Variants in RNPEPL1 observed in about 807,000 individuals in gnomAD.
RNPEPL1 encodes the protein aminopeptidase RNPEPL1.
A neutral mutation model predicts 69.0 loss-of-function variants in RNPEPL1; 46 were observed. The observed-to-expected ratio is 0.67, with a 90% CI of 0.53 to 0.85. The LOEUF is 0.85. RNPEPL1 is among the 40% of genes least tolerant of loss of function. RNPEPL1 has a pLI of 0.00. For synonymous variants in RNPEPL1, 525 were observed against 454.1 expected (o/e 1.16, Z -1.98); for missense variants, 869 against 992.5 (o/e 0.88, Z 1.67).
chr2:240,573,418 G>C (rs991021594), intron 3 of RNPEPL1, among the ~76,000 whole-genome samples, 157 bp downstream of exon 3: 6 of 152,074 alleles, frequency 3.9e-5, no homozygotes, highest in African/African-American at 7.2e-5. Context: ...GCCACCGCCA[G>C]GGCCCTGCCA....
rs772575333 is a variant in RNPEPL1 at position 240,574,348 on chromosome 2, G to C, written c.1174G>C (p.Gly392Arg). The C allele has an allele frequency of 6.3e-7, 1 of 1,597,214 alleles. No individual in the cohort carries two copies. The highest frequency in any genetic ancestry group is 1.1e-5 in the South Asian group (1 of 90,796). Residue 392 changes from glycine to arginine, a missense_variant and splice_region_variant, in exon 5 of 11, where the codon GGT (glycine) becomes CGT (arginine). This residue lies in a region of RNPEPL1 where 610 missense variants were observed against 790.9 expected (regional missense o/e 0.77). Coordinates refer to ENST00000270357, the MANE Select transcript of RNPEPL1 (RefSeq NM_018226.6). ...GCGCCGTATCACCACCGAGACCTAC[G>C]GTGCGGCCAGGGCCGGGGAGGGCAG... The part of the protein sequence containing the change: ...AQRRITTETY[G>R]AAFTCLETAF...
In RNPEPL1 at chr2:240,568,835, G is replaced by A. The variant is rs1323309590; in HGVS notation, c.249G>A (p.Leu83=). The A allele has an allele frequency of 7.7e-6, 9 of 1,167,458 alleles. No homozygotes were observed. Among genetic ancestry groups the A allele is most frequent in the Non-Finnish European group, 8.5e-6 (8 of 942,752 alleles). 72.3% of individuals were successfully genotyped at this position (1,167,458 alleles called of 1,614,324 possible). A position where few individuals can be genotyped will look rare whatever the true frequency, so the allele number is the denominator to read the frequency against. The change falls in exon 1 of 11, where the codon CTG becomes CTA. Residue 83 remains leucine (L), a synonymous_variant. Transcript: ENST00000270357. The surrounding 1 kb of genome is among the most constrained non-coding windows in gnomAD (Gnocchi z 6.2). ...TCGTGCTCGACGCGCACCCGGCTCT[G>A]CGCCTGCACTCAGCCGCCTTCCGTC... ...RALVLDAHPA[L]RLHSAAFRRA... is the part of the protein sequence containing the mutation.
chr2:240,573,377 T>A lies in RNPEPL1; in HGVS notation c.821+116T>A, dbSNP rs1182262393. 11 of 1,260,702 alleles carry A rather than the reference T, an allele frequency of 8.7e-6. No homozygotes were observed. In the Admixed American group the frequency reaches 3.1e-4, roughly 35 times the overall value. The allele number at this position is 1,260,702 out of a possible 1,614,324, so 78.1% of individuals were successfully genotyped here. A position where few individuals can be genotyped will look rare whatever the true frequency, so the allele number is the denominator to read the frequency against. The stretch of plus-strand genomic sequence containing the variant: ...CTGAGGACCCCCACTGGCCTCTGGG[T>A]GCTCTGGGCCAGCCCTGCCCCTGCC... On this transcript the variant is annotated intron_variant, in intron 3 of 10. Transcript: ENST00000270357.
rs185285107 is a variant in RNPEPL1 at position 240,569,985 on chromosome 2, T to C, written c.528+871T>C. Among the ~76,000 whole-genome samples, 112 of 152,338 alleles carry C rather than the reference T, an allele frequency of 7.4e-4. 1 individual carries two copies. The highest frequency in any genetic ancestry group is 2.4e-3 in the African/African-American group (101 of 41,576). ...GACCAGTGCACCCCTATGGGCTTCC[T>C]GTACATTTCCCAGGAGCCCTAAGCA... On this transcript the variant is annotated intron_variant, in intron 1 of 10. Coordinates refer to ENST00000270357, the MANE Select transcript of RNPEPL1 (RefSeq NM_018226.6).
chr2:240,575,730 T>C, intron 8 of RNPEPL1, 120 bp downstream of exon 8: 1 of 756,268 alleles, frequency 1.3e-6, no homozygotes, highest in Non-Finnish European at 2.3e-6. Context: ...TGTCTGTCCT[T>C]CAGCCAACCC....
chr2:240,573,717 G>C (rs1336005353), intron 3 of RNPEPL1, 58 bp from the exon 4 acceptor site: 11 of 1,396,292 alleles, frequency 7.9e-6, no homozygotes, highest in African/African-American at 7.2e-5. Flanking sequence ...GGAGAGCCTG[G>C]TGGGGTGAGC....
Position 240,578,292 on chromosome 2 carries a change from C to A in RNPEPL1, c.*400C>A. On this transcript the variant is annotated 3_prime_UTR_variant, in exon 11 of 11. Coordinates refer to ENST00000270357, the MANE Select transcript of RNPEPL1 (RefSeq NM_018226.6). The stretch of plus-strand genomic sequence containing the variant: ...GGGGGCCCAGGCTGTGCTGTCCCTG[C>A]AGCACGCCTCCTTGCAGGGATCTGA... The A allele has an allele frequency of 6.0e-6, 1 of 168,050 alleles. No individual in the cohort carries two copies. The highest frequency in any genetic ancestry group is 1.3e-5 in the Non-Finnish European group (1 of 78,756). 10.4% of individuals were successfully genotyped at this position (168,050 alleles called of 1,614,324 possible). A position where few individuals can be genotyped will look rare whatever the true frequency, so the allele number is the denominator to read the frequency against.
At chr2:240,574,378 G>T (rs749617243) in intron 5 of RNPEPL1, 30 bp downstream of exon 5, 11 of 1,577,600 alleles carry the variant, frequency 7.0e-6, no homozygotes, top group African/African-American at 5.4e-5. Context: ...GGGCAGCCAC[G>T]GGGGGCCCTG....
Position 240,574,656 on chromosome 2 carries a change from C to G in RNPEPL1, c.1288+28C>G, listed in dbSNP as rs780300889. ...ACCTGCTCCTCAGGACCCGCTCCCA[C>G]AACTGGGGATGTCACCCCTCAAGGC... On this transcript the variant is annotated intron_variant, in intron 6 of 10. Transcript: ENST00000270357. 13 of 1,567,518 alleles carry G rather than the reference C, an allele frequency of 8.3e-6. No individual in the cohort carries two copies. In the South Asian group the frequency reaches 1.5e-4, roughly 18 times the overall value.
intron 3 of RNPEPL1, 136 bp from the exon 4 acceptor site, chr2:240,573,639 G>T (rs1025745863): frequency 1.4e-6 from 1 of 727,548 alleles, no homozygotes; most frequent in Non-Finnish European, 2.2e-6. Flanking sequence ...GAGGCAGGGC[G>T]GGCTGTAGGC....
At chr2:240,570,130 A>G (rs995742545) in intron 1 of RNPEPL1, among the ~76,000 whole-genome samples, 1 of 152,340 alleles carries the variant, frequency 6.6e-6, no homozygotes, top group East Asian at 1.9e-4. Context: ...GCCTCCCAGT[A>G]TGACAGGTGA....
At chr2:240,577,011 G>C in intron 10 of RNPEPL1, 21 bp downstream of exon 10, 1 of 1,612,204 alleles carries the variant, frequency 6.2e-7, no homozygotes, top group African/African-American at 1.3e-5. Flanking sequence ...CTGCCCAGGG[G>C]GCCAGCCTGG....
chr2:240,572,313 G>A (rs1396478226), intron 1 of RNPEPL1, 110 bp from the exon 2 acceptor site: 2 of 1,272,526 alleles, frequency 1.6e-6, no homozygotes, highest in Non-Finnish European at 2.1e-6. Context: ...AGATAATCTG[G>A]CCATTGTCCC....
chr2:240,576,045 TG>T, intron 8 of RNPEPL1: 1 of 255,886 alleles, frequency 3.9e-6, no homozygotes, highest in Non-Finnish European at 7.7e-6. Context: ...CCAGAATTGC[TG>T]GAGGGTGGTG....
rs759412567 is a variant in RNPEPL1, at chr2:240,574,300, G to A, written c.1126G>A (p.Glu376Lys). 23 of 1,606,992 alleles carry A rather than the reference G, an allele frequency of 1.4e-5. No individual in the cohort carries two copies. Among genetic ancestry groups the A allele is most frequent in the Admixed American group, 5.0e-5 (3 of 59,980 alleles). ...NATWEEMWLS[E>K]GLATYAQRRI... is the part of the protein sequence containing the mutation. ...CACGTGGGAAGAGATGTGGCTGAGC[G>A]AGGGCCTGGCCACCTATGCCCAGCG... The change falls in exon 5 of 11, where the codon GAG (glutamate) becomes AAG (lysine). Residue 376 changes from glutamate (E) to lysine (K), a missense_variant. Around this residue, in one of 2 missense-constraint regions of RNPEPL1, gnomAD observed 610 missense variants for 790.9 expected, o/e 0.77. Coordinates refer to ENST00000270357, the MANE Select transcript of RNPEPL1 (RefSeq NM_018226.6).
At chr2:240,573,309 G>C in intron 3 of RNPEPL1, 48 bp downstream of exon 3, 1 of 1,518,712 alleles carries the variant, frequency 6.6e-7, no homozygotes, top group Admixed American at 2.1e-5. Flanking sequence ...GCCTCGGGGA[G>C]AGCCCCACCG....
In RNPEPL1 at chr2:240,578,050, G is replaced by A; in HGVS notation, c.*158G>A. The A allele has an allele frequency of 1.5e-6, 1 of 668,712 alleles. No individual in the cohort carries two copies. The highest frequency in any genetic ancestry group is 3.6e-5 in the South Asian group (1 of 27,488). The allele number at this position is 668,712 out of a possible 1,614,324, so 41.4% of individuals were successfully genotyped here. On this transcript the variant is annotated 3_prime_UTR_variant, in exon 11 of 11. Coordinates refer to ENST00000270357, the MANE Select transcript of RNPEPL1 (RefSeq NM_018226.6). Reference sequence around the variant, plus strand: ...CCCAGGCAGGGAGAATGGGGAGAGGGACCTCCTTGTGTCTGGCAGAGACCT... The same window carrying A: ...CCCAGGCAGGGAGAATGGGGAGAGGAACCTCCTTGTGTCTGGCAGAGACCT...
At chr2:240,569,189 G>A (rs2093014009) in intron 1 of RNPEPL1, 75 bp downstream of exon 1, 1 of 1,352,036 alleles carries the variant, frequency 7.4e-7, no homozygotes, top group African/African-American at 1.5e-5. Flanking sequence ...CGCACGGCCA[G>A]GCTGAGGGAC....
chr2:240,568,936 C>A lies in RNPEPL1; in HGVS notation c.350C>A (p.Pro117His). The change falls in exon 1 of 11, where the codon CCC (proline) becomes CAC (histidine). Residue 117 changes from proline to histidine, a missense_variant. Physicochemically the swap from Pro to His is moderately conservative, Grantham distance 77. Transcript: ENST00000270357. The surrounding 1 kb of genome is among the most constrained non-coding windows in gnomAD (Gnocchi z 6.2). ...CCCGGGCCGGGGCCCGCGCCGCCGC[C>A]CCCGCTGCCCGCCTTCCCCGAGGCG... is the stretch of plus-strand genomic sequence containing the variant. ...SAPGPGPAPPPPLPAFPEAPG... is the reference protein window; with the variant it reads ...SAPGPGPAPPHPLPAFPEAPG... 1 of 1,350,018 alleles carries A rather than the reference C, an allele frequency of 7.4e-7. No individual in the cohort carries two copies. The highest frequency in any genetic ancestry group is 9.5e-7 in the Non-Finnish European group (1 of 1,054,204). The allele number at this position is 1,350,018 out of a possible 1,614,324, so 83.6% of individuals were successfully genotyped here.
Sources: allele counts gnomAD v4.1 joint callset (sites outside exome capture counted in the v4.1 genomes callset), GRCh38; gene constraint gnomAD v4.1.1; regional missense constraint gnomAD v4.1.1; non-coding constraint Gnocchi (gnomAD v3.1); transcripts MANE v1.5; gene names NCBI Gene and HGNC (gene_info 2026-07-23, HGNC 2026-07-21).